KCNN2: variants seen among roughly 807,000 people sequenced by gnomAD.
The protein encoded by KCNN2 is small conductance calcium-activated potassium channel protein 2.
Under a neutral mutation model 55.5 loss-of-function variants are expected in KCNN2, and 24 were observed. That is an observed-to-expected ratio of 0.43 (90% CI 0.31 to 0.61). KCNN2 has a LOEUF of 0.61. Among genes scored for constraint, KCNN2 ranks in the 20% least tolerant of loss-of-function variants. KCNN2 has a pLI of 0.08. For synonymous variants in KCNN2, 431 were observed against 336.1 expected, an observed-to-expected ratio of 1.28 and a Z score of -3.09; for missense variants, 754 against 853.6, an observed-to-expected ratio of 0.88 and a Z score of 1.45.
intron 1 of KCNN2, among the ~76,000 whole-genome samples, chr5:114,151,033 A>ACAAT (rs1275391819): frequency 1.3e-5 from 2 of 152,062 alleles, no homozygotes; most frequent in African/African-American, 4.8e-5. Flanking sequence ...AAACAAACAA[A>ACAAT]CAAACAACAA....
At chr5:114,333,543 T>C (rs370289884) in intron 2 of KCNN2, among the ~76,000 whole-genome samples, 1 of 152,088 alleles carries the variant, frequency 6.6e-6, no homozygotes, top group Non-Finnish European at 1.5e-5. Flanking sequence ...GGTGACTTTA[T>C]GAAAAGTCAC....
intron 1 of KCNN2, among the ~76,000 whole-genome samples, chr5:114,106,946 G>A (rs1340321904): frequency 1.3e-5 from 2 of 151,754 alleles, no homozygotes; most frequent in African/African-American, 2.4e-5. Flanking sequence ...GAAATCTTTG[G>A]CAGTTACAAG....
At chr5:114,463,330 T>TGAGA in intron 4 of KCNN2, 140 bp downstream of exon 4, 1 of 604,838 alleles carries the variant, frequency 1.7e-6, no homozygotes, top group Non-Finnish European at 2.7e-6. Flanking sequence ...AATTTTGTGT[T>TGAGA]GAGAGAGAAT....
intron 6 of KCNN2, among the ~76,000 whole-genome samples, chr5:114,490,920 T>A (rs566981693): frequency 6.6e-6 from 1 of 152,316 alleles, no homozygotes; most frequent in South Asian, 2.1e-4. Context: ...CACATCTGCA[T>A]GTTACCTTTT....
At chr5:114,080,701 A>G (rs1362312192) in intron 1 of KCNN2, among the ~76,000 whole-genome samples, 1 of 152,208 alleles carries the variant, frequency 6.6e-6, no homozygotes, top group Non-Finnish European at 1.5e-5. Context: ...TAAAAACCAT[A>G]TCAGAAAAAC....
At chr5:114,313,652 A>G (rs1368990625) in intron 2 of KCNN2, among the ~76,000 whole-genome samples, 1 of 152,168 alleles carries the variant, frequency 6.6e-6, no homozygotes, top group Non-Finnish European at 1.5e-5. Flanking sequence ...TTCTGCCTTC[A>G]GCCTCTTTAG....
At chr5:114,069,067 G>A (rs2632146) in intron 1 of KCNN2, among the ~76,000 whole-genome samples, 4,036 of 152,122 alleles carry the variant, frequency 0.027, 185 homozygotes, top group African/African-American at 0.091. Context: ...TGCCAGCCTC[G>A]GCCTCCCAAT....
At chr5:114,464,988 A>G (rs1464120227) in intron 4 of KCNN2, among the ~76,000 whole-genome samples, 1 of 152,130 alleles carries the variant, frequency 6.6e-6, no homozygotes, top group Non-Finnish European at 1.5e-5. Flanking sequence ...GCTATTTATA[A>G]AAACTAGTAA....
chr5:114,326,631 A>G (rs1286742980), intron 2 of KCNN2, among the ~76,000 whole-genome samples: 1 of 152,120 alleles, frequency 6.6e-6, no homozygotes, highest in African/African-American at 2.4e-5. Context: ...TCCTTTATGG[A>G]CCCGAATTTC....
rs114164214 is a variant in KCNN2 at position 114,221,004 on chromosome 5, G to A, written c.-270-476G>A. 2.8e-3 allele frequency among the ~76,000 whole-genome samples: 431 copies of A among 152,282 alleles called. 2 individuals are homozygous for A. Among genetic ancestry groups the A allele is most frequent in the African/African-American group, 9.9e-3 (413 of 41,558 alleles). On this transcript the variant is annotated intron_variant, in intron 1 of 10. Coordinates refer to the KCNN2 transcript ENST00000512097. ...ATTGAAGGAAGACAGTTCTCATACA[G>A]TGACCCAAGTAGTAAATATGCTAGT...
intron 1 of KCNN2, among the ~76,000 whole-genome samples, chr5:114,150,693 A>G (rs975690532): frequency 6.6e-6 from 1 of 152,208 alleles, no homozygotes; most frequent in Admixed American, 6.5e-5. Context: ...CCTGTATCTT[A>G]CAGGACTCAG....
chr5:114,433,295 G>T (rs1390642091), intron 3 of KCNN2, among the ~76,000 whole-genome samples: 7 of 152,142 alleles, frequency 4.6e-5, no homozygotes, highest in Admixed American at 4.6e-4. Flanking sequence ...AATCGACACT[G>T]TATCTAGCTA....
At chr5:114,203,404 A>C (rs1221945054) in intron 1 of KCNN2, among the ~76,000 whole-genome samples, 1 of 151,138 alleles carries the variant, frequency 6.6e-6, no homozygotes, top group African/African-American at 2.5e-5. Context: ...CATTTTACTC[A>C]AAGAAAATCT....
At chr5:114,411,321 T>C (rs1411369058) in intron 3 of KCNN2, among the ~76,000 whole-genome samples, 2 of 152,148 alleles carry the variant, frequency 1.3e-5, no homozygotes, top group Non-Finnish European at 1.5e-5. Context: ...ATATAGTCTG[T>C]TAGAGAAGCA....
Position 114,432,607 on chromosome 5 carries a change from G to C in KCNN2, c.1637+27751G>C, listed in dbSNP as rs1420475947. On this transcript the variant is annotated intron_variant, in intron 3 of 7. Coordinates refer to ENST00000673685, the MANE Select transcript of KCNN2 (RefSeq NM_021614.4). ...CACTTGAGGAGCCCTTCAGCCCACC[G>C]CTGCACTGTGGGAGCCCCTTTCTGG... Among the ~76,000 whole-genome samples, 3 of 152,166 alleles carry C rather than the reference G, an allele frequency of 2.0e-5. No individual in the cohort carries two copies. In the South Asian group the frequency reaches 6.2e-4, roughly 32 times the overall value.
intron 1 of KCNN2, among the ~76,000 whole-genome samples, chr5:114,097,405 G>T (rs1309709008): frequency 6.6e-6 from 1 of 152,112 alleles, no homozygotes; most frequent in African/African-American, 2.4e-5. Context: ...CTGTCTCTGT[G>T]TCCTGTAGTT....
Position 114,157,759 on chromosome 5 carries a change from A to C in KCNN2, c.-270-63721A>C, listed in dbSNP as rs1309810408. 2.0e-5 allele frequency among the ~76,000 whole-genome samples: 3 copies of C among 151,972 alleles called. No individual in the cohort carries two copies. In the East Asian group the frequency reaches 5.8e-4, roughly 29 times the overall value. On this transcript the variant is annotated intron_variant, in intron 1 of 10. Transcript: ENST00000512097. ...ATTTGCATTTGTCTGATGGCCAGTG[A>C]TGATGAGCATTTTTTCATGTGTTTT...
chr5:114,419,780 A>G (rs1368404127), intron 3 of KCNN2, among the ~76,000 whole-genome samples: 1 of 152,212 alleles, frequency 6.6e-6, no homozygotes, highest in Non-Finnish European at 1.5e-5. Flanking sequence ...GCTTTAGGCA[A>G]GGAATTCAAG....
chr5:114,148,929 T>C (rs1457283285), intron 1 of KCNN2, among the ~76,000 whole-genome samples: 5 of 151,842 alleles, frequency 3.3e-5, no homozygotes, highest in Admixed American at 3.3e-4. Context: ...GAAAAGGAAG[T>C]AAAGTGACCT....
Sources: gnomAD v4.1 joint callset for allele counts (sites outside exome capture counted in the v4.1 genomes callset) on GRCh38, gnomAD v4.1.1 for gene constraint, MANE v1.5 for transcripts, NCBI Gene and HGNC (gene_info 2026-07-23, HGNC 2026-07-21) for gene names.